Variants in NT5C3A observed in about 807,000 individuals in gnomAD.
NT5C3A encodes 5'-nucleotidase, cytosolic IIIA.
A neutral mutation model predicts 40.0 loss-of-function variants in NT5C3A; 23 were observed. The observed-to-expected ratio is 0.58, with a 90% CI of 0.41 to 0.81. The LOEUF (loss-of-function observed/expected upper bound fraction) is 0.81, where lower values mean the gene tolerates loss of function less well. Ranked by LOEUF, NT5C3A falls within the 40% of genes least tolerant of loss-of-function variation. The pLI, the probability that NT5C3A is intolerant of heterozygous loss-of-function variation, is 0.00. For missense variants in NT5C3A, 328 were observed against 403.0 expected (o/e 0.81, Z 1.59); for synonymous variants, 130 against 141.4 (o/e 0.92, Z 0.57).
chr7:33,062,499 C>T (rs1787821572), intron 1 of NT5C3A, 69 bp downstream of exon 1: 1 of 1,417,410 alleles, frequency 7.1e-7, no homozygotes, highest in South Asian at 1.2e-5. Context: ...CCAGCACAGG[C>T]TGCCGAGGCC....
chr7:33,033,672 G>A (rs928736783), intron 1 of NT5C3A, among the ~76,000 whole-genome samples: 1 of 151,928 alleles, frequency 6.6e-6, no homozygotes, highest in African/African-American at 2.4e-5. Context: ...GGTAGGCTCT[G>A]GAAGAGAAAC....
At chr7:33,050,798 G>A (rs10231011) in intron 1 of NT5C3A, among the ~76,000 whole-genome samples, 110,114 of 152,058 alleles carry the variant, frequency 0.72, 40,098 homozygotes, top group African/African-American at 0.79. Context: ...TGTCTTACTT[G>A]GTTTAAATTG....
At position 33,041,623 on chromosome 7, in the gene NT5C3A, C is replaced by T. The variant is rs72555726; in HGVS notation, c.139-14708G>A. On this transcript the variant is annotated intron_variant, in intron 1 of 8. Coordinates refer to ENST00000610140, the MANE Select transcript of NT5C3A (RefSeq NM_001002010.5). ...AAAGTAATTTTTATATTTTCTTATA[C>T]TTTTAATAAGACCAGCCATAAAATC... is the stretch of plus-strand genomic sequence containing the variant. Among the ~76,000 whole-genome samples, 58 of 151,926 alleles carry T rather than the reference C, an allele frequency of 3.8e-4. No individual in the cohort carries two copies. The East Asian group carries it at 9.3e-3, about 24-fold the overall frequency.
intron 2 of NT5C3A, among the ~76,000 whole-genome samples, chr7:33,026,353 G>GAAAAAAAAAAAAAAAAA (rs1226260693): frequency 1.1e-5 from 1 of 94,156 alleles, no homozygotes; most frequent in African/African-American, 4.1e-5. Context: ...CATCTCAAAA[G>GAAAAAAAAAAAAAAAAA]AAAAAAAAAA....
intron 1 of NT5C3A, among the ~76,000 whole-genome samples, chr7:33,031,475 A>C (rs1233930246): frequency 1.3e-5 from 2 of 151,860 alleles, no homozygotes. Context: ...GTAGTCCCAG[A>C]TACTCGGAGG....
intron 1 of NT5C3A, among the ~76,000 whole-genome samples, chr7:33,054,781 A>C (rs1787505489): frequency 6.6e-6 from 1 of 152,222 alleles, no homozygotes; most frequent in African/African-American, 2.4e-5. Flanking sequence ...GTGTGGCATC[A>C]TGTCAGCGTT....
At chr7:33,054,748 A>T (rs1171483366) in intron 1 of NT5C3A, among the ~76,000 whole-genome samples, 4 of 152,346 alleles carry the variant, frequency 2.6e-5, no homozygotes, top group African/African-American at 9.6e-5. Flanking sequence ...CAGAAAGCAA[A>T]GGTGTCAATA....
chr7:33,027,237 A>T (rs992583571), intron 1 of NT5C3A, among the ~76,000 whole-genome samples: 2 of 152,066 alleles, frequency 1.3e-5, no homozygotes, highest in African/African-American at 4.8e-5. Context: ...GCTAATTTTT[A>T]AAATTTTCTG....
Position 33,017,545 on chromosome 7 carries a change from A to G in NT5C3A, c.587T>C (p.Ile196Thr). Residue 196 changes from isoleucine (I) to threonine (T), a missense_variant, in exon 7 of 9, where the codon ATA (isoleucine) becomes ACA (threonine). By Grantham distance (89) the Ile-to-Thr change is moderately conservative. This residue lies in a region of NT5C3A where 280 missense variants were observed against 317.2 expected (regional missense o/e 0.88). Transcript: ENST00000610140. Reference protein sequence around the residue: ...KLQQHSIPVFIFSAGIGDVLE... With the variant: ...KLQQHSIPVFTFSAGIGDVLE... The stretch of plus-strand genomic sequence containing the variant: ...TACATCGCCGATTCCAGCCGAAAAT[A>G]TGAACACGGGGATGCTATGTTGTTG... 6.2e-7 allele frequency: 1 copy of G among 1,613,970 alleles called. No individual in the cohort carries two copies. Among genetic ancestry groups the G allele is most frequent in the Non-Finnish European group, 8.5e-7 (1 of 1,179,786 alleles).
chr7:33,018,829 A>G (rs6962945), intron 6 of NT5C3A, among the ~76,000 whole-genome samples: 115,246 of 151,050 alleles, frequency 0.76, 44,372 homozygotes, highest in African/African-American at 0.86. Flanking sequence ...GCGAGACTCC[A>G]TCTCAAAAAA....
chr7:33,021,733 G>A, intron 4 of NT5C3A: 1 of 414,010 alleles, frequency 2.4e-6, no homozygotes, highest in East Asian at 4.9e-5. Context: ...CAACTTAAAG[G>A]AGCAAAACCT....
intron 1 of NT5C3A, among the ~76,000 whole-genome samples, chr7:33,039,652 A>G (rs1786818598): frequency 7.0e-6 from 1 of 143,252 alleles, no homozygotes; most frequent in Non-Finnish European, 1.5e-5. Context: ...GGCTGTAATA[A>G]TTTGGTGGGG....
intron 1 of NT5C3A, among the ~76,000 whole-genome samples, chr7:33,060,198 C>T (rs1173842546): frequency 6.6e-6 from 1 of 152,270 alleles, no homozygotes; most frequent in East Asian, 1.9e-4. Context: ...AGGGATCCTC[C>T]CGCCTCAGCC....
intron 1 of NT5C3A, among the ~76,000 whole-genome samples, chr7:33,030,991 C>A (rs1436463795): frequency 6.6e-6 from 1 of 151,500 alleles, no homozygotes; most frequent in Non-Finnish European, 1.5e-5. Context: ...CCCAGCTACT[C>A]TGGAGGCTGA....
At chr7:33,019,071 T>C (rs1785490659) in intron 6 of NT5C3A, among the ~76,000 whole-genome samples, 1 of 151,832 alleles carries the variant, frequency 6.6e-6, no homozygotes, top group Non-Finnish European at 1.5e-5. Context: ...CTGGGCAACA[T>C]GGTGAAATCC....
At chr7:33,047,509 T>G (rs997394894) in intron 1 of NT5C3A, among the ~76,000 whole-genome samples, 1 of 152,190 alleles carries the variant, frequency 6.6e-6, no homozygotes, top group Admixed American at 6.5e-5. Flanking sequence ...TATGCATCAA[T>G]TAAATACATT....
At chr7:33,040,983 C>A (rs947318365) in intron 1 of NT5C3A, 2 of 985,262 alleles carry the variant, frequency 2.0e-6, no homozygotes, top group African/African-American at 3.5e-5. Flanking sequence ...TTGACTAAGC[C>A]CTATGCAAAA....
At chr7:33,061,683 A>T (rs978809315) in intron 1 of NT5C3A, among the ~76,000 whole-genome samples, 16 of 151,118 alleles carry the variant, frequency 1.1e-4, no homozygotes, top group African/African-American at 2.4e-4. Flanking sequence ...TAGATTTTAA[A>T]TTTTTTTCTA....
At chr7:33,027,823 A>G (rs1786029572) in intron 1 of NT5C3A, among the ~76,000 whole-genome samples, 1 of 152,214 alleles carries the variant, frequency 6.6e-6, no homozygotes, top group African/African-American at 2.4e-5. Flanking sequence ...TAATACCTTC[A>G]GCATATCCCT....
Sources: allele counts gnomAD v4.1 joint callset (sites outside exome capture counted in the v4.1 genomes callset), GRCh38; gene constraint gnomAD v4.1.1; regional missense constraint gnomAD v4.1.1; transcripts MANE v1.5; gene names NCBI Gene and HGNC (gene_info 2026-07-23, HGNC 2026-07-21).